The following FN3K variants were observed in gnomAD, a reference collection of about 807,000 sequenced individuals.
FN3K encodes fructosamine-3-kinase.
Under a neutral mutation model 24.8 loss-of-function variants are expected in FN3K, and 24 were observed. That is an observed-to-expected ratio of 0.97 (90% CI 0.70 to 1.36). The LOEUF is 1.36. Ranked by LOEUF, FN3K falls within the 40% of genes most tolerant of loss-of-function variation. The pLI is 0.00. For missense variants in FN3K, 449 were observed against 416.7 expected, an observed-to-expected ratio of 1.08 and a Z score of -0.67; for synonymous variants, 192 against 175.2, an observed-to-expected ratio of 1.10 and a Z score of -0.76.
chr17:82,750,697 A>C lies in FN3K; in HGVS notation c.872A>C (p.His291Pro). Reference sequence around the variant, plus strand: ...TTTAACTACCTGAACCACTGGAACCACTTCGGGCGGGAGTACAGGAGCCCT... The same window carrying C: ...TTTAACTACCTGAACCACTGGAACCCCTTCGGGCGGGAGTACAGGAGCCCT... Reference protein sequence around the residue: ...QLFNYLNHWNHFGREYRSPSL... With the variant: ...QLFNYLNHWNPFGREYRSPSL... Residue 291 changes from histidine to proline, a missense_variant, in exon 6 of 6, where the codon CAC becomes CCC. His to Pro is a moderately conservative substitution (Grantham distance 77, BLOSUM62 -2). Coordinates refer to ENST00000300784, the MANE Select transcript of FN3K (RefSeq NM_022158.4). 6.2e-7 allele frequency: 1 copy of C among 1,613,642 alleles called. No individual in the cohort carries two copies.
At position 82,750,925 on chromosome 17, in the gene FN3K, CGTCCCT is replaced by C. The variant is rs1383698027; in HGVS notation, c.*171_*176del. ...CCTCCTGTCCCCGTCCCCCCGTCCCCGTCCCTCCATCCCTGTCCCCCGTCCCCCTGT... is the reference window on the plus strand; with the variant it reads ...CCTCCTGTCCCCGTCCCCCCGTCCCCCCATCCCTGTCCCCCGTCCCCCTGT... On this transcript the variant is annotated 3_prime_UTR_variant, in exon 6 of 6. Transcript: ENST00000300784. 8.1e-6 allele frequency: 3 copies of C among 370,276 alleles called. No individual in the cohort carries two copies. The highest frequency in any genetic ancestry group is 4.5e-5 in the South Asian group (2 of 44,372). The allele number at this position is 370,276 out of a possible 1,614,324, so 22.9% of individuals were successfully genotyped here.
Position 82,750,666 on chromosome 17 carries a change from CA to C in FN3K, c.842del (p.Gln281ArgfsTer6). 2 of 1,613,958 alleles carry C rather than the reference CA, an allele frequency of 1.2e-6. No individual in the cohort carries two copies. Among genetic ancestry groups the C allele is most frequent in the Non-Finnish European group, 1.7e-6 (2 of 1,179,992 alleles). ...PGFDQRLLLY[Q>X]LFNYLNHWNH... Reference sequence around the variant, plus strand: ...CTTCGACCAGCGGCTGCTGCTCTACCAGCTGTTTAACTACCTGAACCACTGG... The same window carrying C: ...CTTCGACCAGCGGCTGCTGCTCTACCGCTGTTTAACTACCTGAACCACTGG... On this transcript the variant is annotated frameshift_variant, in exon 6 of 6. Transcript: ENST00000300784. LOFTEE classifies it low-confidence loss of function (END_TRUNC).
chr17:82,739,286 T>A (rs1176197025), intron 2 of FN3K, among the ~76,000 whole-genome samples: 1 of 151,568 alleles, frequency 6.6e-6, no homozygotes, highest in Non-Finnish European at 1.5e-5. Context: ...GCTTTGTACT[T>A]TATTTTTATT....
In FN3K at chr17:82,735,726, C is replaced by T; in HGVS notation, c.90C>T (p.Ala30=). The T allele has an allele frequency of 2.6e-6, 4 of 1,557,768 alleles. No individual in the cohort carries two copies. The highest frequency in any genetic ancestry group is 3.5e-6 in the Non-Finnish European group (4 of 1,153,196). Residue 30 remains alanine, a synonymous_variant, in exon 1 of 6, where the codon GCC becomes GCT. Transcript: ENST00000300784. The stretch of plus-strand genomic sequence containing the variant: ...CCGGCTGCATCAGCGAGGGCCGAGC[C>T]TACGACACGGACGCAGGCCCAGTGT... The part of the protein sequence containing the change: ...PGAGCISEGR[A]YDTDAGPVFV...
chr17:82,741,410 G>C lies in FN3K; in HGVS notation c.468+17G>C, dbSNP rs755990419. The C allele has an allele frequency of 6.2e-7, 1 of 1,609,824 alleles. No individual in the cohort carries two copies. Among genetic ancestry groups the C allele is most frequent in the East Asian group, 2.2e-5 (1 of 44,684 alleles). On this transcript the variant is annotated intron_variant, in intron 4 of 5. Coordinates refer to ENST00000300784, the MANE Select transcript of FN3K (RefSeq NM_022158.4). ...ATCCCGCAGGTGAGTGCCTGGGTGA[G>C]GGTGTTCCCTGATGCCCTAATGCTG...
intron 4 of FN3K, 59 bp from the exon 5 acceptor site, chr17:82,748,796 G>T: frequency 6.2e-7 from 1 of 1,611,470 alleles, no homozygotes; most frequent in South Asian, 1.1e-5. Context: ...GTCCCTCTAG[G>T]GTTTAGGCAG....
intron 4 of FN3K, among the ~76,000 whole-genome samples, chr17:82,742,487 C>A (rs2046946458): frequency 6.6e-6 from 1 of 152,194 alleles, no homozygotes; most frequent in Non-Finnish European, 1.5e-5. Context: ...AATATGTGAT[C>A]TTTTGTATCT....
chr17:82,748,171 A>G (rs112392859), intron 4 of FN3K, among the ~76,000 whole-genome samples: 3 of 144,862 alleles, frequency 2.1e-5, no homozygotes, highest in Non-Finnish European at 4.5e-5. Context: ...TTTTTGAGAT[A>G]GAGTTTCACT....
chr17:82,750,839 C>CGTCCCTGTCCCCCT lies in FN3K; in HGVS notation c.*87_*100dup, dbSNP rs2047020573. The CGTCCCTGTCCCCCT allele has an allele frequency of 9.2e-7, 1 of 1,085,244 alleles. No individual in the cohort carries two copies. The highest frequency in any genetic ancestry group is 1.9e-5 in the African/African-American group (1 of 52,440). The allele number at this position is 1,085,244 out of a possible 1,614,324, so 67.2% of individuals were successfully genotyped here. Reference sequence around the variant, plus strand: ...CCCCCGTCCCCCGTCCCTGTGCCCCCGTCCCTGTCCCCCTGTTCCCGTCTC... The same window carrying CGTCCCTGTCCCCCT: ...CCCCCGTCCCCCGTCCCTGTGCCCCCGTCCCTGTCCCCCTGTCCCTGTCCCCCTGTTCCCGTCTC... On this transcript the variant is annotated 3_prime_UTR_variant, in exon 6 of 6. Coordinates refer to ENST00000300784, the MANE Select transcript of FN3K (RefSeq NM_022158.4).
intron 4 of FN3K, among the ~76,000 whole-genome samples, chr17:82,744,528 C>G (rs917796135): frequency 1.3e-5 from 2 of 152,148 alleles, no homozygotes; most frequent in Non-Finnish European, 2.9e-5. Context: ...GTCTGCTTCT[C>G]TCATGAAGGG....
chr17:82,738,947 T>TATATATATATATA (rs1491164859), intron 2 of FN3K, among the ~76,000 whole-genome samples: 2 of 65,282 alleles, frequency 3.1e-5, no homozygotes, highest in African/African-American at 1.3e-4. Context: ...TATATATATA[T>TATATATATATATA]TTTTTTTTTT....
chr17:82,746,512 C>A (rs1016413907), intron 4 of FN3K, among the ~76,000 whole-genome samples: 1 of 151,766 alleles, frequency 6.6e-6, no homozygotes, highest in Non-Finnish European at 1.5e-5. Context: ...TGGAAGCGTC[C>A]TTCAGAGGCT....
intron 4 of FN3K, among the ~76,000 whole-genome samples, chr17:82,747,999 G>A (rs557174206): frequency 1.9e-4 from 29 of 152,210 alleles, no homozygotes; most frequent in East Asian, 9.6e-4. Flanking sequence ...GTTCTTTTAC[G>A]TATTTTGAAG....
intron 5 of FN3K, 21 bp from the exon 6 acceptor site, chr17:82,750,396 C>T (rs1484448186): frequency 6.2e-7 from 1 of 1,609,106 alleles, no homozygotes; most frequent in East Asian, 2.2e-5. Context: ...CCAGCGATAA[C>T]TGCAGCCGTT....
In FN3K at chr17:82,750,882, ATCCCCCCG is replaced by A. The variant is rs2047023458; in HGVS notation, c.*135_*142del. The A allele has an allele frequency of 4.0e-5, 16 of 398,234 alleles. No individual in the cohort carries two copies. In the African/African-American group the frequency reaches 5.6e-4, roughly 14 times the overall value. 24.7% of individuals were successfully genotyped at this position (398,234 alleles called of 1,614,324 possible). On this transcript the variant is annotated 3_prime_UTR_variant, in exon 6 of 6. Coordinates refer to ENST00000300784, the MANE Select transcript of FN3K (RefSeq NM_022158.4). ...CCCGTCTCCCCGTCCCTCCGTCTCC[ATCCCCCCG>A]TCCCCCCATCCTCCTGTCCCCGTCC...
rs1441687209 is a variant in FN3K, at chr17:82,748,987, G to A, written c.591+10G>A. 1 of 1,614,120 alleles carries A rather than the reference G, an allele frequency of 6.2e-7. No individual in the cohort carries two copies. The highest frequency in any genetic ancestry group is 8.5e-7 in the Non-Finnish European group (1 of 1,179,998). On this transcript the variant is annotated intron_variant, in intron 5 of 5. Coordinates refer to ENST00000300784, the MANE Select transcript of FN3K (RefSeq NM_022158.4). ...CTGGTCCCGGCTACAGGTGGGCACG[G>A]CAGTGACTTCTCTGGGAAAGAGCTG...
At chr17:82,735,924 C>T (rs2046897775) in intron 1 of FN3K, 147 bp downstream of exon 1, 20 of 1,049,100 alleles carry the variant, frequency 1.9e-5, no homozygotes, top group Non-Finnish European at 2.7e-5. Context: ...TGGGTGAGCC[C>T]GGCTCAAGCG....
chr17:82,747,434 C>G (rs1490563927), intron 4 of FN3K, among the ~76,000 whole-genome samples: 1 of 152,184 alleles, frequency 6.6e-6, no homozygotes, highest in African/African-American at 2.4e-5. Context: ...CGGAGTCTTG[C>G]TCTGTCACCA....
At chr17:82,743,433 G>C (rs759561320) in intron 4 of FN3K, among the ~76,000 whole-genome samples, 22 of 152,304 alleles carry the variant, frequency 1.4e-4, no homozygotes, top group South Asian at 4.1e-4. Context: ...CTTCCTGCTT[G>C]TTGTGCCTCG....
Sources: allele counts gnomAD v4.1 joint callset (sites outside exome capture counted in the v4.1 genomes callset), GRCh38; gene constraint gnomAD v4.1.1; transcripts MANE v1.5; gene names NCBI Gene and HGNC (gene_info 2026-07-23, HGNC 2026-07-21).